DOT1L: variants seen among roughly 807,000 people sequenced by gnomAD.
DOT1L encodes the protein DOT1 like histone lysine methyltransferase, also known as histone-lysine N-methyltransferase, H3 lysine-79 specific.
A neutral mutation model predicts 153.3 loss-of-function variants in DOT1L; 33 were observed. The ratio of observed to expected loss-of-function variants is 0.22; its 90% CI spans 0.16 to 0.29. DOT1L has a LOEUF of 0.29. Among genes scored for constraint, DOT1L ranks in the 10% least tolerant of loss-of-function variants. The pLI is 1.00. For synonymous variants in DOT1L, 1,135 were observed against 965.1 expected (o/e 1.18, Z -3.26); for missense variants, 1,847 against 2,119.9 (o/e 0.87, Z 2.53).
rs984388853 is a variant in DOT1L, at chr19:2,213,777, G to T, written c.1660-72G>T. 14 of 1,606,458 alleles carry T rather than the reference G, an allele frequency of 8.7e-6. No individual in the cohort carries two copies. The East Asian group carries it at 8.9e-5, about 10-fold the overall frequency. ...GTGTCCCAGGGGCTGGGCTGCAGGG[G>T]TGGTCATGCCTGGGGGCTTACTTCA... On this transcript the variant is annotated intron_variant, in intron 17 of 27. Coordinates refer to ENST00000398665, the MANE Select transcript of DOT1L (RefSeq NM_032482.3).
In DOT1L at chr19:2,227,570, C is replaced by T. The variant is rs1002799111; in HGVS notation, c.4606+443C>T. 208 of 755,106 alleles carry T rather than the reference C, an allele frequency of 2.8e-4. 3 individuals carry two copies. The South Asian group carries it at 3.2e-3, about 11-fold the overall frequency. The allele number at this position is 755,106 out of a possible 1,614,324, so 46.8% of individuals were successfully genotyped here. On this transcript the variant is annotated intron_variant, in intron 27 of 27. Coordinates refer to ENST00000398665, the MANE Select transcript of DOT1L (RefSeq NM_032482.3). ...TGCTGCGGGGCGGGGGGCCGGAGGG[C>T]GGAGGGCGGGCCACCACGAGCCTGG...
chr19:2,215,154 G>A (rs1248855829), intron 19 of DOT1L, among the ~76,000 whole-genome samples: 1 of 152,162 alleles, frequency 6.6e-6, no homozygotes, highest in Non-Finnish European at 1.5e-5. Context: ...GCATCCCCAA[G>A]GGCCATATTG....
At chr19:2,228,029 G>A (rs778488013) in intron 27 of DOT1L, 3 of 1,227,672 alleles carry the variant, frequency 2.4e-6, no homozygotes, top group East Asian at 6.9e-5. Context: ...CTCCCCCAAC[G>A]CTGCTGGCCT....
Position 2,226,709 on chromosome 19 carries a change from G to T in DOT1L, c.4188G>T (p.Leu1396=). The T allele has an allele frequency of 6.4e-7, 1 of 1,567,234 alleles. No individual in the cohort carries two copies. ...AGGCAGGGGAGGGCGGCCTACCGCT[G>T]TGCGGGCCCACGGACAAGACCCCAC... The part of the protein sequence containing the change: ...GKEAGEGGLP[L]CGPTDKTPLL... The change falls in exon 27 of 28, where the codon CTG becomes CTT. Residue 1396 remains leucine (L), a synonymous_variant. Transcript: ENST00000398665.
chr19:2,179,273 G>A (rs2022111711), intron 1 of DOT1L, among the ~76,000 whole-genome samples: 1 of 152,212 alleles, frequency 6.6e-6, no homozygotes. Context: ...GATGACGCTG[G>A]CCTTGTGTTT....
chr19:2,168,643 C>T lies in DOT1L; in HGVS notation c.81+4378C>T, dbSNP rs112820392. 3.4e-3 allele frequency among the ~76,000 whole-genome samples: 516 copies of T among 152,296 alleles called. 3 individuals are homozygous for T. The highest frequency in any genetic ancestry group is 0.012 in the African/African-American group (486 of 41,558). On this transcript the variant is annotated intron_variant, in intron 1 of 27. Coordinates refer to ENST00000398665, the MANE Select transcript of DOT1L (RefSeq NM_032482.3). ...ATTTCTTATTTTTTTGAGAGGGAAT[C>T]TCGTACTGTTGCCTGGGCTGGAGTA...
At chr19:2,179,330 C>A (rs1049402344) in intron 1 of DOT1L, among the ~76,000 whole-genome samples, 1 of 149,234 alleles carries the variant, frequency 6.7e-6, no homozygotes, top group Non-Finnish European at 1.5e-5. Flanking sequence ...TTTTCTCTGC[C>A]CTGGGAGAGG....
intron 8 of DOT1L, 95 bp downstream of exon 8, chr19:2,200,034 C>T: frequency 6.8e-7 from 1 of 1,469,608 alleles, no homozygotes; most frequent in East Asian, 2.4e-5. Flanking sequence ...CCCCTCGCTC[C>T]TGTGCTGGCT....
intron 7 of DOT1L, among the ~76,000 whole-genome samples, chr19:2,195,593 G>A (rs1472237092): frequency 2.0e-5 from 3 of 151,970 alleles, no homozygotes; most frequent in Non-Finnish European, 4.4e-5. Context: ...GGAGTACAGA[G>A]CCCGCAGCCC....
At chr19:2,227,256 C>A in intron 27 of DOT1L, 129 bp downstream of exon 27, 1 of 1,245,382 alleles carries the variant, frequency 8.0e-7, no homozygotes, top group Non-Finnish European at 1.2e-6. Context: ...CGGCCGGCCC[C>A]CGCCATCCGT....
intron 7 of DOT1L, among the ~76,000 whole-genome samples, chr19:2,195,737 C>A (rs570158974): frequency 6.6e-6 from 1 of 152,230 alleles, no homozygotes; most frequent in African/African-American, 2.4e-5. Context: ...AGCTGCCCAG[C>A]AGAGCGGCTC....
At chr19:2,200,868 T>C (rs1273373555) in intron 8 of DOT1L, among the ~76,000 whole-genome samples, 64 of 100,634 alleles carry the variant, frequency 6.4e-4, no homozygotes, top group Admixed American at 2.5e-3. Flanking sequence ...TCATCTTCCC[T>C]GTATTCCTCT....
chr19:2,165,271 C>T (rs2019865690), intron 1 of DOT1L, among the ~76,000 whole-genome samples: 1 of 52,804 alleles, frequency 1.9e-5, no homozygotes, highest in South Asian at 7.4e-4. Context: ...TCCCCGCGCG[C>T]CCTGGGACTC....
chr19:2,202,340 C>T (rs1234805276), intron 8 of DOT1L, among the ~76,000 whole-genome samples: 1 of 152,250 alleles, frequency 6.6e-6, no homozygotes, highest in African/African-American at 2.4e-5. Context: ...CCGTGCTGGG[C>T]CTCTGTTTTT....
Position 2,230,634 on chromosome 19 carries a change from TA to T in DOT1L, c.*844del. 1 of 398,626 alleles carries T rather than the reference TA, an allele frequency of 2.5e-6. No homozygotes were observed. The highest frequency in any genetic ancestry group is 6.3e-4 in the Middle Eastern group (1 of 1,588). 24.7% of individuals were successfully genotyped at this position (398,626 alleles called of 1,614,324 possible). A position where few individuals can be genotyped will look rare whatever the true frequency, so the allele number is the denominator to read the frequency against. ...GTTTCTGTACAGGAGAGAGTCACACTAATGAGTGGCAGTATTTTATAGAGAT... is the reference window on the plus strand; with the variant it reads ...GTTTCTGTACAGGAGAGAGTCACACTATGAGTGGCAGTATTTTATAGAGAT... On this transcript the variant is annotated 3_prime_UTR_variant, in exon 28 of 28. Transcript: ENST00000398665.
At chr19:2,212,946 C>T (rs552529720) in intron 16 of DOT1L, 10 of 152,418 alleles carry the variant, frequency 6.6e-5, no homozygotes, top group Admixed American at 1.3e-4. Flanking sequence ...GCCACAAGGT[C>T]GGCTGTCCCT....
rs751622790 is a variant in DOT1L at position 2,216,378 on chromosome 19, G to T, written c.2021G>T (p.Arg674Leu). The T allele has an allele frequency of 6.2e-7, 1 of 1,612,358 alleles. No individual in the cohort carries two copies. Among genetic ancestry groups the T allele is most frequent in the Non-Finnish European group, 8.5e-7 (1 of 1,179,774 alleles). The change falls in exon 20 of 28, where the codon CGT becomes CTT. Residue 674 changes from arginine (R) to leucine (L), a missense_variant. Around this residue, in one of 8 missense-constraint regions of DOT1L, gnomAD observed 281 missense variants for 263.6 expected, o/e 1.07. Transcript: ENST00000398665. Reference protein sequence around the residue: ...PPDDALSLHLRGKGALGRELE... With the variant: ...PPDDALSLHLLGKGALGRELE... ...GACGACGCCCTGTCCCTGCACCTGC[G>T]TGGGAAGGGCGCCCTGGGCCGCGAG...
At chr19:2,218,600 A>G (rs767846130) in intron 22 of DOT1L, among the ~76,000 whole-genome samples, 10 of 151,462 alleles carry the variant, frequency 6.6e-5, no homozygotes, top group East Asian at 3.9e-4. Flanking sequence ...TCACCGTGTT[A>G]GCCAGGATGG....
chr19:2,165,417 T>G (rs1233618664), intron 1 of DOT1L, among the ~76,000 whole-genome samples: 1 of 152,100 alleles, frequency 6.6e-6, no homozygotes, highest in African/African-American at 2.4e-5. Context: ...GGAGCGCAGC[T>G]TCCAGCCTGG....
Sources: gnomAD v4.1 joint callset for allele counts (sites outside exome capture counted in the v4.1 genomes callset) on GRCh38, gnomAD v4.1.1 for gene constraint, gnomAD v4.1.1 regional missense constraint, MANE v1.5 for transcripts, NCBI Gene and HGNC (gene_info 2026-07-23, HGNC 2026-07-21) for gene names.